Variants in DCHS2 observed in about 807,000 individuals in gnomAD.
DCHS2 encodes protocadherin-23.
DCHS2 carries 142 observed loss-of-function variants against 182.4 expected under a neutral mutation model. The ratio of observed to expected loss-of-function variants is 0.78; its 90% CI spans 0.68 to 0.89. DCHS2 has a LOEUF of 0.89. Ranked by LOEUF, DCHS2 falls within the 40% of genes least tolerant of loss-of-function variation. The pLI, the probability that DCHS2 is intolerant of heterozygous loss-of-function variation, is 0.00. For missense variants in DCHS2, 4,319 were observed against 4,198.6 expected, an observed-to-expected ratio of 1.03 and a Z score of -0.79; for synonymous variants, 1,740 against 1,663.3, an observed-to-expected ratio of 1.05 and a Z score of -1.12.
At chr4:154,382,650 C>T (rs4696558) in intron 1 of DCHS2, among the ~76,000 whole-genome samples, 52,244 of 151,662 alleles carry the variant, frequency 0.34, 10,311 homozygotes, top group Non-Finnish European at 0.46. Context: ...ATTCAACCAG[C>T]GAAAAACAAA....
intron 10 of DCHS2, among the ~76,000 whole-genome samples, chr4:154,311,950 T>C (rs2111316523): frequency 6.6e-6 from 1 of 151,978 alleles, no homozygotes; most frequent in East Asian, 1.9e-4. Context: ...TGGTCCTTAT[T>C]CTTTTTCATC....
intron 5 of DCHS2, chr4:154,331,483 G>A: frequency 2.2e-6 from 3 of 1,336,090 alleles, no homozygotes; most frequent in Non-Finnish European, 3.1e-6. Flanking sequence ...TGCAGCAGGA[G>A]TCTCAGTTTA....
At position 154,491,049 on chromosome 4, in the gene DCHS2, G is replaced by A. The variant is rs1728813733; in HGVS notation, c.307C>T (p.Leu103=). ...AQQQEGSGFF[L]SEDSDDSPLL... ...GGGGAGTCATCGGAGTCCTCCGACA[G>A]AAAGAAGCCGCTCCCCTCCTGCTGC... The change falls in exon 1 of 20, where the codon CTG becomes TTG. Residue 103 remains leucine (L), a synonymous_variant. Transcript: ENST00000357232. 6.4e-7 allele frequency: 1 copy of A among 1,551,126 alleles called. No individual in the cohort carries two copies. Among genetic ancestry groups the A allele is most frequent in the Non-Finnish European group, 8.7e-7 (1 of 1,146,894 alleles).
chr4:154,377,400 T>A lies in DCHS2; in HGVS notation c.2097A>T (p.Glu699Asp). ...TCAGGAATCCATCATAAAGAGAATA[T>A]TCAATAAAGCCATAGAGTCCTGAAT... ...DADSGLYGFI[E>D]YSLYDGFLSY... Residue 699 changes from glutamate to aspartate, a missense_variant, in exon 2 of 20, where the codon GAA becomes GAT. Transcript: ENST00000357232. The A allele has an allele frequency of 6.2e-7, 1 of 1,613,420 alleles. No homozygotes were observed. Among genetic ancestry groups the A allele is most frequent in the Non-Finnish European group, 8.5e-7 (1 of 1,179,622 alleles).
rs1578984126 is a variant in DCHS2, at chr4:154,339,726, T to A, written c.2477-4622A>T. Among the ~76,000 whole-genome samples the A allele has an allele frequency of 3.3e-5, 5 of 152,236 alleles. No individual in the cohort carries two copies. The South Asian group carries it at 1.0e-3, about 32-fold the overall frequency. On this transcript the variant is annotated intron_variant, in intron 3 of 19. Transcript: ENST00000357232. ...CCTCCCAGAGTGCTGGGATTACAGG[T>A]GTGAGCGACCGCGCCCAGCCAAACA... is the stretch of plus-strand genomic sequence containing the variant.
intron 1 of DCHS2, among the ~76,000 whole-genome samples, chr4:154,469,112 T>G (rs533111996): frequency 6.6e-6 from 1 of 152,256 alleles, no homozygotes; most frequent in Admixed American, 6.5e-5. Context: ...TATACTTGCT[T>G]GTATATGCAC....
At position 154,377,382 on chromosome 4, in the gene DCHS2, T is replaced by A; in HGVS notation, c.2115A>T (p.Gly705=). Residue 705 remains glycine, a synonymous_variant, in exon 2 of 20, where the codon GGA becomes GGT. Transcript: ENST00000357232. ...YGFIEYSLYD[G]FLSYEAPQAF... is the part of the protein sequence containing the mutation. ...CCTGAGGTGCTTCATAGCTCAGGAA[T>A]CCATCATAAAGAGAATATTCAATAA... 6.2e-7 allele frequency: 1 copy of A among 1,613,602 alleles called. No individual in the cohort carries two copies. The highest frequency in any genetic ancestry group is 8.5e-7 in the Non-Finnish European group (1 of 1,179,708).
chr4:154,401,569 T>C (rs1732184205), intron 1 of DCHS2, among the ~76,000 whole-genome samples: 1 of 152,236 alleles, frequency 6.6e-6, no homozygotes, highest in Admixed American at 6.5e-5. Flanking sequence ...CTTAATGATG[T>C]CTTTTGATGA....
At chr4:154,329,022 G>A (rs1451454988) in intron 6 of DCHS2, among the ~76,000 whole-genome samples, 1 of 152,052 alleles carries the variant, frequency 6.6e-6, no homozygotes, top group East Asian at 1.9e-4. Flanking sequence ...CATACAAAAA[G>A]ACAAATGAAA....
chr4:154,332,840 G>A lies in DCHS2; in HGVS notation c.3368C>T (p.Ser1123Leu), dbSNP rs764331514. The change falls in exon 5 of 20, where the codon TCG (serine) becomes TTG (leucine). Residue 1123 changes from serine (S) to leucine (L), a missense_variant. Ser to Leu is a moderately radical substitution (Grantham distance 145). Transcript: ENST00000357232. ...AGCAGAGTCTACGCTGGGTTCCAGC[G>A]AGTACCTAAGAGGCGAGGCTGCACG... ...PQRAASPLRY[S>L]LEPSVDSAMF... The A allele has an allele frequency of 8.7e-6, 14 of 1,614,094 alleles. 1 individual carries two copies. The highest frequency in any genetic ancestry group is 1.3e-5 in the African/African-American group (1 of 74,914).
At chr4:154,274,275 G>GA (rs1364377526) in intron 13 of DCHS2, among the ~76,000 whole-genome samples, 1 of 152,034 alleles carries the variant, frequency 6.6e-6, no homozygotes, top group East Asian at 1.9e-4. Flanking sequence ...AATTTATGGG[G>GA]AAAAACCCCA....
rs567342278 is a variant in DCHS2 at position 154,483,391 on chromosome 4, C to G, written c.2052+5913G>C. Among the ~76,000 whole-genome samples, 187 of 152,242 alleles carry G rather than the reference C, an allele frequency of 1.2e-3. 1 individual carries two copies. Among genetic ancestry groups the G allele is most frequent in the Non-Finnish European group, 2.2e-3 (153 of 68,020 alleles). On this transcript the variant is annotated intron_variant, in intron 1 of 19. Transcript: ENST00000357232. ...ATGAGACATAAGAGGTAGAGTTGTTCTAAGTGATTCCAGATTACAGGGGAT... is the reference window on the plus strand; with the variant it reads ...ATGAGACATAAGAGGTAGAGTTGTTGTAAGTGATTCCAGATTACAGGGGAT...
intron 1 of DCHS2, among the ~76,000 whole-genome samples, chr4:154,465,795 G>T (rs943024421): frequency 6.6e-6 from 1 of 152,134 alleles, no homozygotes; most frequent in East Asian, 1.9e-4. Context: ...GGCTATCTTA[G>T]AGCCTGGATG....
intron 1 of DCHS2, among the ~76,000 whole-genome samples, chr4:154,467,171 C>T (rs889894391): frequency 2.0e-5 from 3 of 152,068 alleles, no homozygotes; most frequent in Non-Finnish European, 4.4e-5. Context: ...GTGTGCAAGG[C>T]TATAAAATCC....
At chr4:154,420,261 ATAG>A (rs1159774373) in intron 1 of DCHS2, among the ~76,000 whole-genome samples, 1 of 148,356 alleles carries the variant, frequency 6.7e-6, no homozygotes, top group Non-Finnish European at 1.5e-5. Flanking sequence ...AGATAGATAG[ATAG>A]ATAGATAGAT....
intron 1 of DCHS2, among the ~76,000 whole-genome samples, chr4:154,486,913 GAAAGGT>G (rs1351711389): frequency 3.3e-5 from 5 of 152,154 alleles, no homozygotes; most frequent in African/African-American, 4.8e-5. Context: ...TGGCAACCTG[GAAAGGT>G]TTGTTGCAAT....
chr4:154,315,855 T>C lies in DCHS2; in HGVS notation c.5153A>G (p.Asn1718Ser), dbSNP rs747175770. The part of the protein sequence containing the change: ...QTLTVTVLDV[N>S]DEAPVFKQHL... ...CTGCTTAAATACTGGAGCTTCATCA[T>C]TTACATCAAGAACAGTAACTGTCAA... is the stretch of plus-strand genomic sequence containing the variant. The change falls in exon 10 of 20, where the codon AAT becomes AGT. Residue 1718 changes from asparagine (N) to serine (S), a missense_variant. By Grantham distance (46) the Asn-to-Ser change is conservative. Coordinates refer to ENST00000357232, the MANE Select transcript of DCHS2 (RefSeq NM_001358235.2). 2 of 1,614,044 alleles carry C rather than the reference T, an allele frequency of 1.2e-6. No homozygotes were observed. The highest frequency in any genetic ancestry group is 1.7e-6 in the Non-Finnish European group (2 of 1,179,988).
chr4:154,477,854 C>T (rs1029099417), intron 1 of DCHS2, among the ~76,000 whole-genome samples: 3 of 152,178 alleles, frequency 2.0e-5, no homozygotes, highest in Admixed American at 6.5e-5. Context: ...TAAGGACTGA[C>T]GTTCCTCAAA....
At chr4:154,274,063 C>A (rs979487409) in intron 13 of DCHS2, among the ~76,000 whole-genome samples, 2 of 152,062 alleles carry the variant, frequency 1.3e-5, no homozygotes, top group Non-Finnish European at 2.9e-5. Flanking sequence ...TGGGTAAAAG[C>A]AAGAAGCAGG....
Sources: allele counts gnomAD v4.1 joint callset (sites outside exome capture counted in the v4.1 genomes callset), GRCh38; gene constraint gnomAD v4.1.1; transcripts MANE v1.5; gene names NCBI Gene and HGNC (gene_info 2026-07-23, HGNC 2026-07-21).